ATP13A4: variants seen among roughly 807,000 people sequenced by gnomAD.
ATP13A4 encodes the protein ATPase 13A4.
ATP13A4 carries 114 observed loss-of-function variants against 142.5 expected under a neutral mutation model. The observed-to-expected ratio is 0.80, with a 90% CI of 0.69 to 0.93. The LOEUF (loss-of-function observed/expected upper bound fraction) is 0.93, where lower values mean the gene tolerates loss of function less well. Among genes scored for constraint, ATP13A4 ranks in the 40% least tolerant of loss-of-function variants. ATP13A4 has a pLI of 0.00. For missense variants in ATP13A4, 1,392 were observed against 1,454.0 expected (o/e 0.96, Z 0.69); for synonymous variants, 488 against 514.8 (o/e 0.95, Z 0.70).
At chr3:193,530,253 G>C (rs9849993) in intron 1 of ATP13A4, among the ~76,000 whole-genome samples, 20,442 of 151,142 alleles carry the variant, frequency 0.14, 1,483 homozygotes, top group Non-Finnish European at 0.16. Context: ...CTCAAATCCT[G>C]TCTCAACCTC....
intron 1 of ATP13A4, 66 bp downstream of exon 1, chr3:193,554,669 TGTGTG>T: frequency 7.2e-7 from 1 of 1,382,910 alleles, no homozygotes; most frequent in Non-Finnish European, 1.0e-6. Flanking sequence ...TGTGTGTGTG[TGTGTG>T]TGTGTGTGTG....
chr3:193,441,630 C>T (rs12497847), intron 19 of ATP13A4, 42 bp from the exon 20 acceptor site: 126,497 of 1,602,146 alleles, frequency 0.079, 5,794 homozygotes, highest in Admixed American at 0.16. Flanking sequence ...TTTCATTTGA[C>T]AGAGTGGTTA....
At chr3:193,487,763 G>C (rs763119295) in intron 7 of ATP13A4, among the ~76,000 whole-genome samples, 1 of 152,094 alleles carries the variant, frequency 6.6e-6, no homozygotes, top group Non-Finnish European at 1.5e-5. Flanking sequence ...CATATGTATA[G>C]GTATGTAATA....
In ATP13A4 at chr3:193,519,626, A is replaced by ATTTTTTTTT. The variant is rs147173408; in HGVS notation, c.61-4764_61-4756dup. 1.7e-3 allele frequency among the ~76,000 whole-genome samples: 115 copies of ATTTTTTTTT among 69,042 alleles called. 5 individuals are homozygous for ATTTTTTTTT. The highest frequency in any genetic ancestry group is 1.9e-3 in the Non-Finnish European group (75 of 39,896). 45.3% of individuals were successfully genotyped at this position (69,042 alleles called of 152,430 possible). ...GAATTTTCACAATTTGCAATTTGTA[A>ATTTTTTTTT]TTTTTTTTTTTTTTTTTTTTTTTTT... On this transcript the variant is annotated intron_variant, in intron 1 of 29. Transcript: ENST00000342695.
intron 2 of ATP13A4, among the ~76,000 whole-genome samples, chr3:193,581,291 A>G (rs1332130403): frequency 1.3e-5 from 2 of 152,156 alleles, no homozygotes; most frequent in African/African-American, 4.8e-5. Flanking sequence ...TTTAATCTGT[A>G]GTGTTATTTT....
intron 25 of ATP13A4, among the ~76,000 whole-genome samples, chr3:193,425,496 G>A (rs1056746323): frequency 9.2e-5 from 14 of 151,696 alleles, no homozygotes; most frequent in African/African-American, 3.1e-4. Flanking sequence ...TAAAGAACAT[G>A]TGGTATACAC....
intron 26 of ATP13A4, among the ~76,000 whole-genome samples, chr3:193,414,323 AC>A (rs945449045): frequency 6.6e-5 from 10 of 152,196 alleles, no homozygotes; most frequent in Non-Finnish European, 1.5e-4. Flanking sequence ...ATCCATGGTC[AC>A]CCTAGATATC....
chr3:193,591,970 CAATA>C (rs1185863854), intron 1 of ATP13A4, among the ~76,000 whole-genome samples: 2 of 151,934 alleles, frequency 1.3e-5, no homozygotes, highest in Non-Finnish European at 2.9e-5. Flanking sequence ...ACAGTCACCA[CAATA>C]AATAAAGAAA....
intron 2 of ATP13A4, among the ~76,000 whole-genome samples, chr3:193,504,385 A>T (rs1720744757): frequency 6.6e-6 from 1 of 152,214 alleles, no homozygotes; most frequent in Admixed American, 6.5e-5. Flanking sequence ...AGCAGTTTTT[A>T]AGTAAGAACT....
At position 193,407,391 on chromosome 3, in the gene ATP13A4, C is replaced by G. The variant is rs199814036; in HGVS notation, c.3300G>C (p.Leu1100=). ...DIPELYRRLD[L]LCTPVLWRAS... ...CCCTCCACAGGACGGGAGTGCAGAG[C>G]AGCTGGCGGGAGATGATGAAGCACA... The change falls in exon 29 of 30, where the codon CTG becomes CTC. Residue 1100 remains leucine (L), a splice_region_variant and synonymous_variant. Coordinates refer to ENST00000342695, the MANE Select transcript of ATP13A4 (RefSeq NM_032279.4). 1.2e-6 allele frequency: 2 copies of G among 1,612,014 alleles called. No homozygotes were observed. Among genetic ancestry groups the G allele is most frequent in the Non-Finnish European group, 1.7e-6 (2 of 1,178,402 alleles).
At chr3:193,582,053 A>G (rs910868550) in intron 1 of ATP13A4, 1 of 150,846 alleles carries the variant, frequency 6.6e-6, no homozygotes. Flanking sequence ...CAGATTTTCT[A>G]ATTAATTACT....
At chr3:193,407,458 G>A (rs1714556208) in intron 28 of ATP13A4, 65 bp from the exon 29 acceptor site, 1 of 1,261,610 alleles carries the variant, frequency 7.9e-7, no homozygotes, top group South Asian at 1.2e-5. Flanking sequence ...ATGCTCACAT[G>A]TTCACAGCAT....
rs765365716 is a variant in ATP13A4 at position 193,412,356 on chromosome 3, T to G, written c.3030A>C (p.Gln1010His). 1.2e-6 allele frequency: 2 copies of G among 1,614,028 alleles called. No individual in the cohort carries two copies. The highest frequency in any genetic ancestry group is 1.7e-6 in the Non-Finnish European group (2 of 1,180,012). ...SVEIHSACTV[Q>H]NESISELTMS... ...TGGTTAACTCTGAGATGCTTTCATT[T>G]TGTACTGTGCAGGCACTAAAAGGGA... is the stretch of plus-strand genomic sequence containing the variant. Residue 1010 changes from glutamine (Q) to histidine (H), a missense_variant, in exon 27 of 30, where the codon CAA becomes CAC. By Grantham distance (24) the Gln-to-His change is conservative. Transcript: ENST00000342695.
At chr3:193,477,076 C>T (rs1412023038) in intron 8 of ATP13A4, among the ~76,000 whole-genome samples, 4 of 152,110 alleles carry the variant, frequency 2.6e-5, no homozygotes, top group South Asian at 4.1e-4. Flanking sequence ...AATGCAGTAT[C>T]TTTGAAGCAC....
upstream of ATP13A4, among the ~76,000 whole-genome samples, chr3:193,555,529 T>C (rs753159145): frequency 6.6e-6 from 1 of 152,248 alleles, no homozygotes; most frequent in African/African-American, 2.4e-5. Context: ...CTCCTTTCAC[T>C]AAAATATTGA....
At chr3:193,481,849 T>G (rs1329543454) in intron 8 of ATP13A4, among the ~76,000 whole-genome samples, 1 of 152,198 alleles carries the variant, frequency 6.6e-6, no homozygotes, top group Non-Finnish European at 1.5e-5. Context: ...TTCTAACAGA[T>G]TTTTAAATGA....
At chr3:193,570,688 G>A (rs549479793) in intron 2 of ATP13A4, among the ~76,000 whole-genome samples, 1 of 152,086 alleles carries the variant, frequency 6.6e-6, no homozygotes, top group Non-Finnish European at 1.5e-5. Context: ...GTAAAGCAGG[G>A]AGGCAGTGTC....
intron 25 of ATP13A4, among the ~76,000 whole-genome samples, chr3:193,424,840 A>G (rs1461152437): frequency 2.7e-5 from 4 of 149,778 alleles, no homozygotes; most frequent in Non-Finnish European, 5.9e-5. Context: ...ACATAAAACT[A>G]AAAAGATTTT....
chr3:193,473,319 G>A (rs1458152902), intron 8 of ATP13A4, among the ~76,000 whole-genome samples: 1 of 152,184 alleles, frequency 6.6e-6, no homozygotes, highest in Non-Finnish European at 1.5e-5. Flanking sequence ...GGATTTATGA[G>A]TCCATAATGA....
Sources: allele counts gnomAD v4.1 joint callset (sites outside exome capture counted in the v4.1 genomes callset), GRCh38; gene constraint gnomAD v4.1.1; transcripts MANE v1.5; gene names NCBI Gene and HGNC (gene_info 2026-07-23, HGNC 2026-07-21).